SLC4A4: variants seen among roughly 807,000 people sequenced by gnomAD.
The protein encoded by SLC4A4 is solute carrier family 4 member 4.
A neutral mutation model predicts 111.5 loss-of-function variants in SLC4A4; 27 were observed. That is an observed-to-expected ratio of 0.24 (90% CI 0.18 to 0.33). SLC4A4 has a LOEUF of 0.33. SLC4A4 is among the 10% of genes least tolerant of loss of function. The pLI is 1.00. For synonymous variants in SLC4A4, 443 were observed against 463.4 expected (o/e 0.96, Z 0.57); for missense variants, 909 against 1,315.5 (o/e 0.69, Z 4.78).
At chr4:71,496,217 A>G (rs969189870) in intron 15 of SLC4A4, among the ~76,000 whole-genome samples, 2 of 152,068 alleles carry the variant, frequency 1.3e-5, no homozygotes, top group African/African-American at 4.8e-5. Flanking sequence ...ATATTTTAGA[A>G]AAGGTTTCTT....
chr4:71,546,552 G>A, intron 19 of SLC4A4, 24 bp downstream of exon 19: 1 of 1,605,632 alleles, frequency 6.2e-7, no homozygotes, highest in African/African-American at 1.3e-5. Context: ...GAGGAAAATG[G>A]CTCCCGAAAA....
intron 2 of SLC4A4, among the ~76,000 whole-genome samples, chr4:71,118,274 C>T (rs1374455062): frequency 6.6e-6 from 1 of 152,126 alleles, no homozygotes; most frequent in African/African-American, 2.4e-5. Context: ...AGTGGTTTCC[C>T]TGAAAATTCC....
At chr4:71,509,210 T>A (rs865852866) in intron 16 of SLC4A4, among the ~76,000 whole-genome samples, 10 of 152,198 alleles carry the variant, frequency 6.6e-5, no homozygotes, top group Admixed American at 2.6e-4. Context: ...AGATGCCCTG[T>A]CTCACCATTC....
intron 1 of SLC4A4, among the ~76,000 whole-genome samples, chr4:71,190,190 A>G (rs1745662736): frequency 6.6e-6 from 1 of 152,200 alleles, no homozygotes; most frequent in Admixed American, 6.5e-5. Context: ...GAGGTCAGCT[A>G]AGTTGTATTC....
chr4:71,567,765 T>A (rs773609209), intron 25 of SLC4A4, 23 bp from the exon 26 acceptor site: 12 of 956,742 alleles, frequency 1.3e-5, no homozygotes, highest in Non-Finnish European at 1.5e-6. Context: ...TACTTACTAC[T>A]TTTTTTTTTC....
chr4:71,540,691 A>T (rs1734959232), intron 18 of SLC4A4, among the ~76,000 whole-genome samples: 1 of 151,872 alleles, frequency 6.6e-6, no homozygotes, highest in African/African-American at 2.4e-5. Context: ...GGAATTGACC[A>T]TGCCTTTCTT....
chr4:71,346,749 C>A (rs896571126), intron 4 of SLC4A4, among the ~76,000 whole-genome samples: 25 of 152,194 alleles, frequency 1.6e-4, no homozygotes, highest in African/African-American at 6.0e-4. Flanking sequence ...ATGAAACTAC[C>A]TGAAAATGAT....
intron 1 of SLC4A4, among the ~76,000 whole-genome samples, chr4:71,199,299 ACT>A: frequency 6.6e-6 from 1 of 152,342 alleles, no homozygotes; most frequent in Non-Finnish European, 1.5e-5. Flanking sequence ...TAAAATAAGC[ACT>A]TAGACTTCCT....
chr4:71,456,495 C>T (rs573652681), intron 12 of SLC4A4, among the ~76,000 whole-genome samples: 14 of 152,046 alleles, frequency 9.2e-5, no homozygotes, highest in African/African-American at 2.9e-4. Flanking sequence ...TGTACTTTAC[C>T]GCACAAAATT....
At chr4:71,453,746 A>G in intron 12 of SLC4A4, 77 bp downstream of exon 12, 1 of 1,354,668 alleles carries the variant, frequency 7.4e-7, no homozygotes, top group Non-Finnish European at 1.1e-6. Context: ...AGTTAGAAGC[A>G]GATGGCCTTT....
chr4:71,491,139 G>A (rs1016480736), intron 15 of SLC4A4, among the ~76,000 whole-genome samples: 6 of 151,722 alleles, frequency 4.0e-5, no homozygotes, highest in African/African-American at 1.5e-4. Flanking sequence ...TTATCTTGAT[G>A]TCTTATAATG....
intron 5 of SLC4A4, among the ~76,000 whole-genome samples, chr4:71,353,483 A>G (rs1730026175): frequency 6.6e-6 from 1 of 152,182 alleles, no homozygotes; most frequent in South Asian, 2.1e-4. Flanking sequence ...AAAACATCTT[A>G]ATCCTCTGAA....
intron 1 of SLC4A4, among the ~76,000 whole-genome samples, chr4:71,194,404 A>G (rs1473058859): frequency 2.0e-5 from 3 of 152,206 alleles, no homozygotes; most frequent in African/African-American, 7.2e-5. Flanking sequence ...GGCTGAATGA[A>G]TGAACACATT....
Position 71,378,699 on chromosome 4 carries a change from A to G in SLC4A4, c.731-18878A>G, listed in dbSNP as rs950146991. On this transcript the variant is annotated intron_variant, in intron 6 of 25. Transcript: ENST00000264485. ...ACAGATATCAATTTCAAAGTTAATA[A>G]TGAAATTTCTTTTTGGCAGCAAACT... Among the ~76,000 whole-genome samples, 5 of 152,356 alleles carry G rather than the reference A, an allele frequency of 3.3e-5. No individual in the cohort carries two copies. The East Asian group carries it at 9.6e-4, about 29-fold the overall frequency.
chr4:71,503,870 A>G (rs1731161227), intron 16 of SLC4A4, among the ~76,000 whole-genome samples: 1 of 152,166 alleles, frequency 6.6e-6, no homozygotes, highest in South Asian at 2.1e-4. Flanking sequence ...ATCTAGCAAT[A>G]ATGAATTCCC....
chr4:71,536,463 T>TATATATATATATATAC (rs1488959535), intron 18 of SLC4A4, among the ~76,000 whole-genome samples: 3 of 56,534 alleles, frequency 5.3e-5, no homozygotes, highest in African/African-American at 1.7e-4. Context: ...TATACATATA[T>TATATATATATATATAC]ACATATATAT....
At chr4:71,062,818 G>A (rs1741423228) in intron 1 of SLC4A4, among the ~76,000 whole-genome samples, 1 of 152,132 alleles carries the variant, frequency 6.6e-6, no homozygotes, top group East Asian at 1.9e-4. Context: ...TTTTCTTTTA[G>A]TGTGGTAGGC....
At chr4:71,548,484 T>C (rs12508775) in intron 20 of SLC4A4, among the ~76,000 whole-genome samples, 34,770 of 151,714 alleles carry the variant, frequency 0.23, 4,128 homozygotes, top group East Asian at 0.41. Flanking sequence ...AAGTTTCCAA[T>C]TTTCTTTTAT....
At chr4:71,125,066 T>G (rs1743525322) in intron 2 of SLC4A4, among the ~76,000 whole-genome samples, 1 of 152,234 alleles carries the variant, frequency 6.6e-6, no homozygotes, top group Non-Finnish European at 1.5e-5. Context: ...GGTACTGCAT[T>G]TTTTTTGGAT....
Sources: allele counts gnomAD v4.1 joint callset (sites outside exome capture counted in the v4.1 genomes callset), GRCh38; gene constraint gnomAD v4.1.1; transcripts MANE v1.5; gene names NCBI Gene and HGNC (gene_info 2026-07-23, HGNC 2026-07-21).